The following PCCA variants were observed in gnomAD, a reference collection of about 807,000 sequenced individuals.
PCCA encodes the protein propionyl-CoA carboxylase subunit alpha, also known as propionyl-CoA carboxylase alpha chain, mitochondrial.
PCCA carries 74 observed loss-of-function variants against 101.3 expected under a neutral mutation model. That is an observed-to-expected ratio of 0.73 (90% CI 0.61 to 0.89). PCCA has a LOEUF of 0.89. PCCA is among the 40% of genes least tolerant of loss of function. PCCA has a pLI of 0.00. For synonymous variants in PCCA, 294 were observed against 313.6 expected, an observed-to-expected ratio of 0.94 and a Z score of 0.66; for missense variants, 891 against 907.0, an observed-to-expected ratio of 0.98 and a Z score of 0.23.
intron 20 of PCCA, among the ~76,000 whole-genome samples, chr13:100,431,171 T>C (rs2079526594): frequency 6.6e-6 from 1 of 152,232 alleles, no homozygotes. Context: ...ATTATGGTTT[T>C]AATGTATACT....
At chr13:100,271,121 G>T (rs1353125932) in intron 11 of PCCA, among the ~76,000 whole-genome samples, 4 of 152,172 alleles carry the variant, frequency 2.6e-5, no homozygotes, top group African/African-American at 9.7e-5. Flanking sequence ...TTTGAAAAGG[G>T]CAAGGGCAAG....
chr13:100,488,170 C>T lies in PCCA; in HGVS notation c.1900-27257C>T, dbSNP rs546284396. Among the ~76,000 whole-genome samples the T allele has an allele frequency of 2.4e-3, 368 of 152,216 alleles. 2 individuals are homozygous for T. Among genetic ancestry groups the T allele is most frequent in the African/African-American group, 7.9e-3 (329 of 41,546 alleles). On this transcript the variant is annotated intron_variant, in intron 21 of 23. Transcript: ENST00000376285. ...GTGCAATGGCACAATCTCGGCTCAC[C>T]GCAACCTCTGCCCCCCAGGTTCAAG...
At chr13:100,324,618 A>G (rs2068441617) in intron 16 of PCCA, among the ~76,000 whole-genome samples, 1 of 152,184 alleles carries the variant, frequency 6.6e-6, no homozygotes, top group Non-Finnish European at 1.5e-5. Context: ...ACAAACAGAG[A>G]CCATACCTGG....
chr13:100,102,034 G>T (rs9585346), intron 1 of PCCA, among the ~76,000 whole-genome samples: 8,635 of 152,124 alleles, frequency 0.057, 566 homozygotes, highest in African/African-American at 0.15. Flanking sequence ...CCTTTTGCTG[G>T]TTTTTTTCCT....
chr13:100,528,388 T>C (rs752120690), intron 23 of PCCA, among the ~76,000 whole-genome samples: 3 of 152,188 alleles, frequency 2.0e-5, no homozygotes, highest in Non-Finnish European at 4.4e-5. Context: ...TGAGGGCCGT[T>C]GTGGTTTGGA....
intron 6 of PCCA, among the ~76,000 whole-genome samples, chr13:100,177,694 A>G (rs542309943): frequency 1.3e-5 from 2 of 152,314 alleles, no homozygotes; most frequent in African/African-American, 4.8e-5. Flanking sequence ...ACATTTTAAG[A>G]TGTAAAACAT....
At chr13:100,217,852 C>T (rs1343539284) in intron 7 of PCCA, among the ~76,000 whole-genome samples, 3 of 150,250 alleles carry the variant, frequency 2.0e-5, no homozygotes, top group Non-Finnish European at 4.4e-5. Context: ...TTAAAAAAAT[C>T]CATCTGAGGT....
chr13:100,350,523 T>A (rs2073139783), intron 18 of PCCA, among the ~76,000 whole-genome samples: 1 of 152,230 alleles, frequency 6.6e-6, no homozygotes, highest in Admixed American at 6.5e-5. Context: ...TTATGATATT[T>A]TCAGTTACTT....
intron 21 of PCCA, among the ~76,000 whole-genome samples, chr13:100,512,652 C>T (rs2086569771): frequency 6.6e-6 from 1 of 152,172 alleles, no homozygotes; most frequent in Non-Finnish European, 1.5e-5. Context: ...CATGTTCCCT[C>T]ATCCTACCCA....
chr13:100,092,388 CT>C (rs553592520), intron 1 of PCCA, among the ~76,000 whole-genome samples: 2,490 of 134,920 alleles, frequency 0.018, 55 homozygotes, highest in African/African-American at 0.05. Flanking sequence ...TTCTTTCTTC[CT>C]TTTTTTTTTT....
intron 7 of PCCA, among the ~76,000 whole-genome samples, chr13:100,219,865 A>G (rs945379248): frequency 6.6e-6 from 1 of 152,140 alleles, no homozygotes; most frequent in Non-Finnish European, 1.5e-5. Context: ...CTGGTGTTTA[A>G]TTTTTGGAGT....
chr13:100,111,136 C>T (rs376694926), intron 2 of PCCA, among the ~76,000 whole-genome samples: 3 of 150,712 alleles, frequency 2.0e-5, no homozygotes, highest in South Asian at 4.2e-4. Flanking sequence ...CTCAGCCTCC[C>T]GAGTAGCTGA....
chr13:100,282,731 G>A (rs879000196), intron 12 of PCCA, among the ~76,000 whole-genome samples: 6 of 152,176 alleles, frequency 3.9e-5, no homozygotes, highest in African/African-American at 7.2e-5. Flanking sequence ...TTCTGTAAGA[G>A]GGAAGGCAAA....
At chr13:100,361,804 G>T (rs2152802129) in intron 18 of PCCA, among the ~76,000 whole-genome samples, 1 of 152,290 alleles carries the variant, frequency 6.6e-6, no homozygotes, top group East Asian at 1.9e-4. Context: ...ACATGGAAAT[G>T]TTGTAATCTT....
At chr13:100,357,752 A>G (rs941316214) in intron 18 of PCCA, among the ~76,000 whole-genome samples, 7 of 152,252 alleles carry the variant, frequency 4.6e-5, no homozygotes, top group Non-Finnish European at 7.3e-5. Context: ...TCACTATTGC[A>G]TGCATTAAGG....
At chr13:100,240,062 G>A (rs2061025922) in intron 8 of PCCA, among the ~76,000 whole-genome samples, 1 of 152,094 alleles carries the variant, frequency 6.6e-6, no homozygotes, top group Non-Finnish European at 1.5e-5. Context: ...GTCTTTTGCA[G>A]GGACTGTGGC....
At chr13:100,396,328 T>C (rs902851081) in intron 19 of PCCA, among the ~76,000 whole-genome samples, 1 of 152,222 alleles carries the variant, frequency 6.6e-6, no homozygotes, top group African/African-American at 2.4e-5. Flanking sequence ...ATCTGTAGAA[T>C]AGGGATAGTA....
In PCCA at chr13:100,247,308, C is replaced by T. The variant is rs148964787; in HGVS notation, c.638-10287C>T. On this transcript the variant is annotated intron_variant, in intron 8 of 23. Coordinates refer to ENST00000376285, the MANE Select transcript of PCCA (RefSeq NM_000282.4). ...TCTCGGCTCACTGCAAGCTCCCCTC[C>T]CAGGTTCACACCGTTCTCTTGCCTC... Among the ~76,000 whole-genome samples the T allele has an allele frequency of 4.8e-3, 723 of 151,218 alleles. 7 individuals are homozygous for T. Among genetic ancestry groups the T allele is most frequent in the African/African-American group, 0.017 (692 of 41,090 alleles).
intron 12 of PCCA, 76 bp downstream of exon 12, chr13:100,273,422 A>G: frequency 2.6e-6 from 3 of 1,146,542 alleles, no homozygotes; most frequent in Non-Finnish European, 3.9e-6. Context: ...TTTGTTTTAT[A>G]AATGTTAAAA....
Sources: allele counts gnomAD v4.1 joint callset (sites outside exome capture counted in the v4.1 genomes callset), GRCh38; gene constraint gnomAD v4.1.1; transcripts MANE v1.5; gene names NCBI Gene and HGNC (gene_info 2026-07-23, HGNC 2026-07-21).